ATP8B4: variants seen among roughly 807,000 people sequenced by gnomAD.
ATP8B4 encodes probable phospholipid-transporting ATPase IM.
ATP8B4 carries 133 observed loss-of-function variants against 145.6 expected under a neutral mutation model. That is an observed-to-expected ratio of 0.91 (90% CI 0.79 to 1.05). The LOEUF (loss-of-function observed/expected upper bound fraction) is 1.05, where lower values mean the gene tolerates loss of function less well. ATP8B4 is among the 50% of genes least tolerant of loss of function. The pLI is 0.00. For missense variants in ATP8B4, 1,458 were observed against 1,425.2 expected, an observed-to-expected ratio of 1.02 and a Z score of -0.37; for synonymous variants, 507 against 492.9, an observed-to-expected ratio of 1.03 and a Z score of -0.38.
chr15:50,029,114 T>G (rs1223340952), intron 6 of ATP8B4, among the ~76,000 whole-genome samples: 5 of 151,632 alleles, frequency 3.3e-5, no homozygotes, highest in South Asian at 2.1e-4. Context: ...ACGCCTGTAG[T>G]CCCAGCTACT....
intron 1 of ATP8B4, among the ~76,000 whole-genome samples, chr15:50,174,568 AC>A (rs2044735568): frequency 6.6e-6 from 1 of 150,912 alleles, no homozygotes; most frequent in African/African-American, 2.4e-5. Flanking sequence ...AAAAAAAAAA[AC>A]TTAGGAACAT....
Position 49,987,275 on chromosome 15 carries a change from C to T in ATP8B4, c.748+116G>A, listed in dbSNP as rs74012858. 1.6e-3 allele frequency: 2,010 copies of T among 1,262,248 alleles called. 24 individuals carry two copies. The African/African-American group carries it at 0.028, about 18-fold the overall frequency. The allele number at this position is 1,262,248 out of a possible 1,614,324, so 78.2% of individuals were successfully genotyped here. On this transcript the variant is annotated intron_variant, in intron 10 of 27. Transcript: ENST00000284509. ...ACAATCTTAAGTCAACTCCAGAGCA[C>T]GACTTTGCATGGAATGAAAGCACTG...
At chr15:50,122,812 A>G (rs874600), upstream of ATP8B4, among the ~76,000 whole-genome samples, 1 of 152,182 alleles carries the variant, frequency 6.6e-6, no homozygotes, top group Non-Finnish European at 1.5e-5. Context: ...CCTACTCACT[A>G]AAGAATGAGA....
intron 1 of ATP8B4, among the ~76,000 whole-genome samples, chr15:50,151,277 A>G (rs1232032528): frequency 6.6e-6 from 1 of 152,226 alleles, no homozygotes; most frequent in East Asian, 1.9e-4. Flanking sequence ...TTCTTTAGAA[A>G]CATAACTTTT....
At chr15:49,961,898 C>A in intron 14 of ATP8B4, 79 bp downstream of exon 14, 1 of 1,207,792 alleles carries the variant, frequency 8.3e-7, no homozygotes, top group South Asian at 1.4e-5. Context: ...GAAATCAGGA[C>A]ACTAAAAGTT....
At chr15:50,098,266 ATTTTTTTTTTTTTTTTTTTTTTTTTT>A (rs71124319) in intron 2 of ATP8B4, among the ~76,000 whole-genome samples, 9 of 41,728 alleles carry the variant, frequency 2.2e-4, no homozygotes, top group Admixed American at 8.5e-4. Context: ...TTGTCAGGTG[ATTTTTTTTTTTTTTTTTTTTTTTTTT>A]TTTTTTTTTT....
At chr15:49,923,591 C>T in intron 16 of ATP8B4, 97 bp from the exon 17 acceptor site, 1 of 788,416 alleles carries the variant, frequency 1.3e-6, no homozygotes, top group Non-Finnish European at 2.0e-6. Context: ...TGGAAATGGG[C>T]ATAATGTTTT....
At position 49,879,426 on chromosome 15, in the gene ATP8B4, T is replaced by A; in HGVS notation, c.2731A>T (p.Asn911Tyr). The change falls in exon 24 of 28, where the codon AAC (asparagine) becomes TAC (tyrosine). Residue 911 changes from asparagine to tyrosine, a missense_variant. Physicochemically the swap from Asn to Tyr is moderately radical, Grantham distance 143. Transcript: ENST00000284509. ...VYDQWFITLF[N>Y]IVYTSLPVLA... The stretch of plus-strand genomic sequence containing the variant: ...ACAGGCAGTGATGTGTAAACAATGT[T>A]AAAAAGGGTGATGAACCACTGGTCA... The A allele has an allele frequency of 6.2e-7, 1 of 1,612,842 alleles. No individual in the cohort carries two copies. The highest frequency in any genetic ancestry group is 8.5e-7 in the Non-Finnish European group (1 of 1,179,298).
intron 6 of ATP8B4, among the ~76,000 whole-genome samples, chr15:50,019,425 C>A (rs918161181): frequency 1.3e-5 from 2 of 152,180 alleles, no homozygotes; most frequent in African/African-American, 4.8e-5. Flanking sequence ...ACAAACCCAC[C>A]TAACATTTAA....
rs1318729558 is a variant in ATP8B4, at chr15:49,961,273, T to C, written c.1287+704A>G. Among the ~76,000 whole-genome samples, 4 of 152,316 alleles carry C rather than the reference T, an allele frequency of 2.6e-5. No homozygotes were observed. The East Asian group carries it at 7.7e-4, about 29-fold the overall frequency. ...TGTACCCATTTTTCATATAATCTCATCAAAGATCATAAACTTTGATAAAAC... is the reference window on the plus strand; with the variant it reads ...TGTACCCATTTTTCATATAATCTCACCAAAGATCATAAACTTTGATAAAAC... On this transcript the variant is annotated intron_variant, in intron 14 of 27. Coordinates refer to ENST00000284509, the MANE Select transcript of ATP8B4 (RefSeq NM_024837.4).
At chr15:50,098,037 T>C (rs1007302139) in intron 2 of ATP8B4, among the ~76,000 whole-genome samples, 2 of 152,158 alleles carry the variant, frequency 1.3e-5, no homozygotes, top group East Asian at 1.9e-4. Context: ...TTCTGACTCA[T>C]GTTGTTTCTG....
At chr15:50,051,100 C>T (rs1251003157) in intron 3 of ATP8B4, among the ~76,000 whole-genome samples, 1 of 152,060 alleles carries the variant, frequency 6.6e-6, no homozygotes, top group African/African-American at 2.4e-5. Flanking sequence ...AGGAGGGACC[C>T]GATGGGAGAT....
At chr15:49,936,231 C>T (rs965122175) in intron 14 of ATP8B4, among the ~76,000 whole-genome samples, 2 of 152,182 alleles carry the variant, frequency 1.3e-5, no homozygotes, top group Non-Finnish European at 2.9e-5. Context: ...TGCTGCTCAG[C>T]TGCATCCTGG....
At chr15:50,012,724 ACT>A (rs2048811130) in intron 6 of ATP8B4, among the ~76,000 whole-genome samples, 2 of 152,162 alleles carry the variant, frequency 1.3e-5, no homozygotes, top group Admixed American at 1.3e-4. Flanking sequence ...AGAAAATAAC[ACT>A]CTACAAATGT....
upstream of ATP8B4, among the ~76,000 whole-genome samples, chr15:50,124,138 CT>C (rs753821548): frequency 2.3e-4 from 35 of 152,180 alleles, no homozygotes; most frequent in Admixed American, 3.9e-4. Context: ...CCCTCATAGC[CT>C]TTAATATCTA....
At chr15:49,911,215 G>C (rs527731920) in intron 20 of ATP8B4, among the ~76,000 whole-genome samples, 1 of 152,130 alleles carries the variant, frequency 6.6e-6, no homozygotes, top group South Asian at 2.1e-4. Context: ...TTTTAAAAAT[G>C]TGATCCAGAT....
intron 2 of ATP8B4, among the ~76,000 whole-genome samples, chr15:50,092,778 G>A (rs2055696208): frequency 6.6e-6 from 1 of 151,952 alleles, no homozygotes; most frequent in Non-Finnish European, 1.5e-5. Context: ...AGAACAGAGA[G>A]AATAGGGGAT....
intron 5 of ATP8B4, among the ~76,000 whole-genome samples, chr15:50,041,736 C>T (rs766045472): frequency 1.6e-4 from 24 of 152,088 alleles, no homozygotes; most frequent in Non-Finnish European, 2.8e-4. Flanking sequence ...GAGGTCAGAT[C>T]GAGACCATCT....
intron 1 of ATP8B4, among the ~76,000 whole-genome samples, chr15:50,149,093 G>T (rs1211542342): frequency 6.6e-6 from 1 of 152,150 alleles, no homozygotes; most frequent in Non-Finnish European, 1.5e-5. Flanking sequence ...GAGATGATAA[G>T]CAGAACTAAT....
Sources: allele counts gnomAD v4.1 joint callset (sites outside exome capture counted in the v4.1 genomes callset), GRCh38; gene constraint gnomAD v4.1.1; transcripts MANE v1.5; gene names NCBI Gene and HGNC (gene_info 2026-07-23, HGNC 2026-07-21).